CACNA2D3: variants seen among roughly 807,000 people sequenced by gnomAD.
CACNA2D3 encodes the protein voltage-dependent calcium channel subunit alpha-2/delta-3.
CACNA2D3 carries 60 observed loss-of-function variants against 160.6 expected under a neutral mutation model. The observed-to-expected ratio is 0.37, with a 90% CI of 0.30 to 0.46. The LOEUF (loss-of-function observed/expected upper bound fraction) is 0.46, where lower values mean the gene tolerates loss of function less well. Among genes scored for constraint, CACNA2D3 ranks in the 20% least tolerant of loss-of-function variants. The probability of loss-of-function intolerance (pLI) is 1.00; values close to 1 mark genes in which losing one functional copy is unlikely to be tolerated. For missense variants in CACNA2D3, 1,205 were observed against 1,365.0 expected (o/e 0.88, Z 1.85); for synonymous variants, 558 against 492.9 (o/e 1.13, Z -1.75).
chr3:54,888,869 T>A (rs184820981), intron 24 of CACNA2D3, among the ~76,000 whole-genome samples: 3 of 152,274 alleles, frequency 2.0e-5, no homozygotes, highest in African/African-American at 7.2e-5. Context: ...GAGCGAGGTG[T>A]TGGGGAAATG....
At chr3:54,597,081 C>G (rs1412423818) in intron 9 of CACNA2D3, among the ~76,000 whole-genome samples, 4 of 152,328 alleles carry the variant, frequency 2.6e-5, no homozygotes, top group Non-Finnish European at 5.9e-5. Context: ...GAAGCACATC[C>G]CAGCCAATCA....
intron 5 of CACNA2D3, among the ~76,000 whole-genome samples, chr3:54,524,758 CTT>C (rs1355655861): frequency 6.6e-6 from 1 of 152,032 alleles, no homozygotes; most frequent in Non-Finnish European, 1.5e-5. Flanking sequence ...TCTTCAGTAA[CTT>C]TTTTTGTTTT....
chr3:55,055,426 A>G (rs1435179868), intron 35 of CACNA2D3, among the ~76,000 whole-genome samples: 1 of 152,096 alleles, frequency 6.6e-6, no homozygotes, highest in East Asian at 1.9e-4. Context: ...CTTTGCCAGA[A>G]TCATGCTGTT....
At chr3:54,195,515 G>T in intron 2 of CACNA2D3, among the ~76,000 whole-genome samples, 1 of 152,130 alleles carries the variant, frequency 6.6e-6, no homozygotes, top group East Asian at 1.9e-4. Flanking sequence ...CAGTATTAAG[G>T]CATTACCTTC....
intron 4 of CACNA2D3, among the ~76,000 whole-genome samples, chr3:54,471,631 T>G (rs1700733098): frequency 6.6e-6 from 1 of 151,248 alleles, no homozygotes; most frequent in African/African-American, 2.4e-5. Context: ...TTTAAAAGAT[T>G]AACAAAATAG....
intron 31 of CACNA2D3, among the ~76,000 whole-genome samples, chr3:55,004,396 C>A (rs1162673238): frequency 6.6e-6 from 1 of 152,198 alleles, no homozygotes; most frequent in East Asian, 1.9e-4. Flanking sequence ...AGACATGGCC[C>A]AAGTAAATTC....
chr3:54,256,628 A>G (rs1392370060), intron 2 of CACNA2D3, among the ~76,000 whole-genome samples: 1 of 152,200 alleles, frequency 6.6e-6, no homozygotes, highest in African/African-American at 2.4e-5. Context: ...GCACTAGAAT[A>G]TGATGAATGA....
intron 2 of CACNA2D3, among the ~76,000 whole-genome samples, chr3:54,235,129 G>T (rs778643311): frequency 2.6e-5 from 4 of 152,154 alleles, no homozygotes; most frequent in Non-Finnish European, 5.9e-5. Flanking sequence ...GGGAATTTAT[G>T]AGTCTGGGGC....
chr3:54,350,381 AG>A (rs1323808825), intron 3 of CACNA2D3, among the ~76,000 whole-genome samples: 2 of 152,004 alleles, frequency 1.3e-5, no homozygotes, highest in African/African-American at 4.8e-5. Context: ...ATTGCATTTT[AG>A]GTTCTATGCC....
chr3:54,631,742 C>T (rs1016587864), intron 10 of CACNA2D3, among the ~76,000 whole-genome samples: 1 of 152,204 alleles, frequency 6.6e-6, no homozygotes, highest in Admixed American at 6.5e-5. Context: ...TTCTAAGCCC[C>T]TTCAAGCTCT....
intron 11 of CACNA2D3, among the ~76,000 whole-genome samples, chr3:54,725,421 G>A (rs1030383003): frequency 2.0e-5 from 3 of 152,146 alleles, no homozygotes; most frequent in Non-Finnish European, 4.4e-5. Context: ...TATGAGGCCA[G>A]CATCATCCTG....
intron 4 of CACNA2D3, among the ~76,000 whole-genome samples, chr3:54,425,056 G>T (rs1025297811): frequency 6.6e-6 from 1 of 152,186 alleles, no homozygotes; most frequent in Non-Finnish European, 1.5e-5. Flanking sequence ...AGAGCTGGGC[G>T]CGGTGGCTCA....
intron 35 of CACNA2D3, among the ~76,000 whole-genome samples, chr3:55,051,093 TTC>T (rs946067218): frequency 6.6e-6 from 1 of 152,056 alleles, no homozygotes; most frequent in Non-Finnish European, 1.5e-5. Flanking sequence ...TGAAGCCTTC[TTC>T]TCTCAGCTCG....
chr3:54,846,516 G>GC, intron 17 of CACNA2D3, 49 bp downstream of exon 17: 1 of 1,256,972 alleles, frequency 8.0e-7, no homozygotes, highest in Non-Finnish European at 1.1e-6. Context: ...GATTTTAAAA[G>GC]ATTTCCTTCA....
intron 2 of CACNA2D3, among the ~76,000 whole-genome samples, chr3:54,206,278 TGA>T (rs1479019214): frequency 6.6e-6 from 1 of 152,202 alleles, no homozygotes; most frequent in Non-Finnish European, 1.5e-5. Context: ...CTGAGGGTCC[TGA>T]GGCTATGAGA....
At chr3:55,008,837 G>C (rs993546384) in intron 33 of CACNA2D3, among the ~76,000 whole-genome samples, 1 of 149,708 alleles carries the variant, frequency 6.7e-6, no homozygotes. Flanking sequence ...TTTTTATGAA[G>C]TTCCATTGTG....
chr3:54,677,098 T>C (rs1293389185), intron 11 of CACNA2D3, among the ~76,000 whole-genome samples: 2 of 152,192 alleles, frequency 1.3e-5, no homozygotes, highest in Non-Finnish European at 2.9e-5. Context: ...TAAATAGATA[T>C]CCCTGGAATA....
rs1701205364 is a variant in CACNA2D3 at position 54,496,516 on chromosome 3, A to G, written c.382-6976A>G. On this transcript the variant is annotated intron_variant, in intron 4 of 37. Coordinates refer to ENST00000474759, the MANE Select transcript of CACNA2D3 (RefSeq NM_018398.3). ...TGATTAATATTTTCAGTTGAGCTACAGGAGTTGTTTACATATTTAGGGCAC... is the reference window on the plus strand; with the variant it reads ...TGATTAATATTTTCAGTTGAGCTACGGGAGTTGTTTACATATTTAGGGCAC... Among the ~76,000 whole-genome samples the G allele has an allele frequency of 2.0e-5, 3 of 152,200 alleles. No homozygotes were observed. The South Asian group carries it at 6.2e-4, about 32-fold the overall frequency.
At chr3:54,133,277 A>G (rs1226717714) in intron 2 of CACNA2D3, among the ~76,000 whole-genome samples, 1 of 152,190 alleles carries the variant, frequency 6.6e-6, no homozygotes, top group Non-Finnish European at 1.5e-5. Flanking sequence ...TATCATCTGC[A>G]TCAGTTTTAG....
Sources: gnomAD v4.1 joint callset for allele counts (sites outside exome capture counted in the v4.1 genomes callset) on GRCh38, gnomAD v4.1.1 for gene constraint, MANE v1.5 for transcripts, NCBI Gene and HGNC (gene_info 2026-07-23, HGNC 2026-07-21) for gene names.